The following RYR3 variants were observed in gnomAD, a reference collection of about 807,000 sequenced individuals.
RYR3 encodes the protein ryanodine receptor 3.
In RYR3, 207 loss-of-function variants were observed where a neutral mutation model predicts 584.3. The observed-to-expected ratio is 0.35, with a 90% CI of 0.32 to 0.40. RYR3 has a LOEUF of 0.40. RYR3 is among the 10% of genes least tolerant of loss of function. The pLI, the probability that RYR3 is intolerant of heterozygous loss-of-function variation, is 1.00. For synonymous variants in RYR3, 2,416 were observed against 2,248.5 expected, an observed-to-expected ratio of 1.07 and a Z score of -2.11; for missense variants, 5,616 against 6,089.2, an observed-to-expected ratio of 0.92 and a Z score of 2.59.
At chr15:33,327,929 CA>C (rs1368229586) in intron 1 of RYR3, among the ~76,000 whole-genome samples, 21 of 152,130 alleles carry the variant, frequency 1.4e-4, no homozygotes, top group Non-Finnish European at 2.6e-4. Context: ...TATGAAAATC[CA>C]CATTCAGAAA....
At chr15:33,758,475 A>G (rs1326035594) in intron 60 of RYR3, among the ~76,000 whole-genome samples, 1 of 152,150 alleles carries the variant, frequency 6.6e-6, no homozygotes, top group Non-Finnish European at 1.5e-5. Context: ...GTCTGCCATT[A>G]CTGAGACTTG....
chr15:33,781,890 T>C (rs1037203902), intron 65 of RYR3, among the ~76,000 whole-genome samples: 1 of 151,742 alleles, frequency 6.6e-6, no homozygotes, highest in African/African-American at 2.4e-5. Context: ...TTTTTTTTAC[T>C]TCCCACTCCT....
rs1167992463 is a variant in RYR3, at chr15:33,603,352, C to T, written c.2152C>T (p.His718Tyr). The T allele has an allele frequency of 6.3e-6, 10 of 1,593,182 alleles. No individual in the cohort carries two copies. In the East Asian group the frequency reaches 2.2e-4, roughly 36 times the overall value. ...DLYSYGFDGLHLWSGRIPRAV... is the reference protein window; with the variant it reads ...DLYSYGFDGLYLWSGRIPRAV... ...GTACTCCTATGGCTTTGATGGACTT[C>T]ACCTTTGGTCAGGTGAGTACCTTGC... is the stretch of plus-strand genomic sequence containing the variant. The change falls in exon 18 of 104, where the codon CAC (histidine) becomes TAC (tyrosine). Residue 718 changes from histidine to tyrosine, a missense_variant. Transcript: ENST00000634891.
At chr15:33,645,971 C>G (rs749360207) in intron 28 of RYR3, among the ~76,000 whole-genome samples, 5 of 152,092 alleles carry the variant, frequency 3.3e-5, no homozygotes, top group Non-Finnish European at 5.9e-5. Flanking sequence ...GTTTTCATGC[C>G]CAGTGACAAG....
intron 55 of RYR3, among the ~76,000 whole-genome samples, 167 bp downstream of exon 55, chr15:33,748,697 A>G (rs545961451): frequency 6.6e-6 from 1 of 152,328 alleles, no homozygotes; most frequent in East Asian, 1.9e-4. Context: ...GTCTCTGCAG[A>G]GTGAACCAAT....
chr15:33,440,407 G>A (rs762392721), intron 1 of RYR3, among the ~76,000 whole-genome samples: 11 of 152,188 alleles, frequency 7.2e-5, no homozygotes, highest in South Asian at 4.1e-4. Flanking sequence ...TGTCCCATGC[G>A]TGTTTTAGGA....
intron 27 of RYR3, among the ~76,000 whole-genome samples, chr15:33,640,612 T>C (rs1054734982): frequency 1.3e-5 from 2 of 152,160 alleles, no homozygotes; most frequent in African/African-American, 4.8e-5. Context: ...CCTGGAATTA[T>C]AAGATTACCC....
intron 99 of RYR3, 61 bp from the exon 100 acceptor site, chr15:33,859,505 ATGATCTGAG>A: frequency 6.4e-7 from 1 of 1,557,678 alleles, no homozygotes; most frequent in South Asian, 1.1e-5. Context: ...AATCATATGA[ATGATCTGAG>A]CATCTTGCTA....
intron 1 of RYR3, chr15:33,467,331 A>G (rs2048571156): frequency 5.6e-6 from 1 of 179,168 alleles, no homozygotes; most frequent in Non-Finnish European, 1.1e-5. Flanking sequence ...CTGCCTGGTG[A>G]TCTACCTTAA....
At chr15:33,331,833 G>A (rs990699859) in intron 1 of RYR3, among the ~76,000 whole-genome samples, 1 of 151,974 alleles carries the variant, frequency 6.6e-6, no homozygotes, top group Non-Finnish European at 1.5e-5. Flanking sequence ...ATATGTGTAA[G>A]TTGTGGGGTT....
chr15:33,558,094 A>C (rs1595583094), intron 10 of RYR3, among the ~76,000 whole-genome samples: 1 of 129,670 alleles, frequency 7.7e-6, no homozygotes, highest in Non-Finnish European at 1.8e-5. Flanking sequence ...TTCTTTTTTA[A>C]ATTTATTTGT....
intron 60 of RYR3, among the ~76,000 whole-genome samples, chr15:33,766,296 A>AAG (rs1567127911): frequency 6.9e-6 from 1 of 144,830 alleles, no homozygotes; most frequent in Non-Finnish European, 1.5e-5. Flanking sequence ...AAGAAAAAAA[A>AAG]AAAAAGAAAA....
chr15:33,546,462 T>A (rs1340883001), intron 8 of RYR3, among the ~76,000 whole-genome samples: 25 of 152,208 alleles, frequency 1.6e-4, no homozygotes. Flanking sequence ...ATTGGGCATT[T>A]CCCGATAACA....
chr15:33,598,193 A>AG (rs950156933), intron 16 of RYR3, among the ~76,000 whole-genome samples: 1 of 151,126 alleles, frequency 6.6e-6, no homozygotes, highest in Non-Finnish European at 1.5e-5. Flanking sequence ...TACAAAAAAA[A>AG]AAAAATCAGA....
chr15:33,588,811 C>G (rs961650200), intron 16 of RYR3, among the ~76,000 whole-genome samples: 11 of 88,234 alleles, frequency 1.2e-4, no homozygotes, highest in African/African-American at 6.0e-4. Flanking sequence ...GAACAGTATT[C>G]CATTGTGTGT....
chr15:33,516,627 C>G (rs1167284630), intron 3 of RYR3, among the ~76,000 whole-genome samples: 5 of 152,262 alleles, frequency 3.3e-5, no homozygotes, highest in African/African-American at 1.2e-4. Flanking sequence ...TGTGCCACCA[C>G]CCCTGGCCTG....
chr15:33,692,655 T>G (rs1324598160), intron 38 of RYR3, among the ~76,000 whole-genome samples: 2 of 149,126 alleles, frequency 1.3e-5, no homozygotes, highest in Non-Finnish European at 3.0e-5. Context: ...TTCAGCTTGG[T>G]CACACATAAA....
chr15:33,725,182 C>CACACACACACACACACACATATATAT (rs2068276998), intron 45 of RYR3, among the ~76,000 whole-genome samples: 1 of 149,278 alleles, frequency 6.7e-6, no homozygotes, highest in African/African-American at 2.5e-5. Flanking sequence ...CACACACACA[C>CACACACACACACACACACATATATAT]ACACACACAC....
chr15:33,406,477 T>A (rs1309805153), intron 1 of RYR3, among the ~76,000 whole-genome samples: 1 of 152,238 alleles, frequency 6.6e-6, no homozygotes, highest in African/African-American at 2.4e-5. Flanking sequence ...TGACCCATGA[T>A]ATTTAGTTGC....
Sources: allele counts gnomAD v4.1 joint callset (sites outside exome capture counted in the v4.1 genomes callset), GRCh38; gene constraint gnomAD v4.1.1; transcripts MANE v1.5; gene names NCBI Gene and HGNC (gene_info 2026-07-23, HGNC 2026-07-21).